The following CSMD1 variants were observed in gnomAD, a reference collection of about 807,000 sequenced individuals.
CSMD1 encodes the protein CUB and sushi domain-containing protein 1.
A neutral mutation model predicts 417.5 loss-of-function variants in CSMD1; 213 were observed. The observed-to-expected ratio is 0.51, with a 90% CI of 0.46 to 0.57. CSMD1 has a LOEUF of 0.57. Ranked by LOEUF, CSMD1 falls within the 20% of genes least tolerant of loss-of-function variation. The pLI is 0.00. For synonymous variants in CSMD1, 2,862 were observed against 1,736.8 expected (o/e 1.65, Z -16.11); for missense variants, 6,923 against 4,529.7 (o/e 1.53, Z -15.17).
At chr8:4,814,226 G>A (rs1007467518) in intron 1 of CSMD1, among the ~76,000 whole-genome samples, 2 of 152,272 alleles carry the variant, frequency 1.3e-5, no homozygotes, top group Admixed American at 6.5e-5. Flanking sequence ...GTGCGTGTGC[G>A]TGTGCGCATG....
In CSMD1 at chr8:4,630,019, T is replaced by C. The variant is rs531801669; in HGVS notation, c.302+7323A>G. ...TGCCTAAAATACTTCTCTGCCCATA[T>C]TAGTATGGTTTTGCTGCTTTTTAAA... is the stretch of plus-strand genomic sequence containing the variant. On this transcript the variant is annotated intron_variant, in intron 2 of 69. Transcript: ENST00000635120. Among the ~76,000 whole-genome samples the C allele has an allele frequency of 1.4e-4, 21 of 152,274 alleles. No individual in the cohort carries two copies. In the East Asian group the frequency reaches 1.9e-3, roughly 14 times the overall value.
In CSMD1 at chr8:2,955,646, C is replaced by T; in HGVS notation, c.9937G>A (p.Glu3313Lys). The stretch of plus-strand genomic sequence containing the variant: ...ATGTCTGCTTTACATGTTCTGTGCT[C>T]AGATCCCCCTGCGAGGAAAAAGCCT... ...HPGFFLAGGSEHRTCKADMKW... is the reference protein window; with the variant it reads ...HPGFFLAGGSKHRTCKADMKW... Residue 3313 changes from glutamate (E) to lysine (K), a missense_variant, in exon 64 of 70, where the codon GAG becomes AAG. Transcript: ENST00000635120. 6.2e-7 allele frequency: 1 copy of T among 1,613,906 alleles called. No homozygotes were observed.
chr8:4,822,330 A>C (rs1002542256), intron 1 of CSMD1, among the ~76,000 whole-genome samples: 1 of 152,122 alleles, frequency 6.6e-6, no homozygotes, highest in Non-Finnish European at 1.5e-5. Flanking sequence ...GGTTACTGAA[A>C]TCTAGGTTTA....
At chr8:4,766,338 G>T (rs945260847) in intron 1 of CSMD1, among the ~76,000 whole-genome samples, 1 of 152,146 alleles carries the variant, frequency 6.6e-6, no homozygotes, top group Non-Finnish European at 1.5e-5. Flanking sequence ...GTGGGGGCCT[G>T]GTGTAAGGTT....
intron 1 of CSMD1, among the ~76,000 whole-genome samples, chr8:4,849,486 G>A (rs142120932): frequency 2.0e-5 from 3 of 152,188 alleles, no homozygotes; most frequent in Middle Eastern, 3.4e-3. Flanking sequence ...TAGATCTCAC[G>A]TTCAATTATA....
At chr8:4,641,107 C>G (rs1318543847) in intron 1 of CSMD1, among the ~76,000 whole-genome samples, 1 of 151,186 alleles carries the variant, frequency 6.6e-6, no homozygotes, top group Non-Finnish European at 1.5e-5. Context: ...TGCAATTACA[C>G]ATATACCAAA....
At chr8:4,183,428 A>G (rs1332956191) in intron 3 of CSMD1, among the ~76,000 whole-genome samples, 1 of 152,222 alleles carries the variant, frequency 6.6e-6, no homozygotes, top group Non-Finnish European at 1.5e-5. Context: ...ACTGTGGGTC[A>G]CAGCTTGTCA....
chr8:4,553,418 G>A (rs923598130), intron 2 of CSMD1, among the ~76,000 whole-genome samples: 4 of 151,134 alleles, frequency 2.6e-5, no homozygotes, highest in Non-Finnish European at 4.4e-5. Flanking sequence ...CTCCTGACAG[G>A]CATTTATAAA....
intron 7 of CSMD1, among the ~76,000 whole-genome samples, chr8:3,695,273 A>G (rs1434826795): frequency 1.3e-5 from 2 of 152,168 alleles, no homozygotes; most frequent in African/African-American, 2.4e-5. Context: ...TCCATCTAAA[A>G]TTATAGTGCC....
intron 10 of CSMD1, among the ~76,000 whole-genome samples, chr8:3,527,495 G>T (rs554549465): frequency 1.2e-4 from 18 of 152,128 alleles, no homozygotes; most frequent in African/African-American, 4.3e-4. Flanking sequence ...GTTTCCCAGG[G>T]GAGGTCTGCC....
At chr8:4,023,737 C>G (rs940982738) in intron 4 of CSMD1, among the ~76,000 whole-genome samples, 1 of 150,438 alleles carries the variant, frequency 6.6e-6, no homozygotes, top group Admixed American at 6.6e-5. Context: ...CAAGCGCCCA[C>G]CGCTACGCTC....
intron 5 of CSMD1, among the ~76,000 whole-genome samples, chr8:3,863,140 G>A (rs1025876183): frequency 6.6e-6 from 1 of 152,140 alleles, no homozygotes; most frequent in Admixed American, 6.6e-5. Context: ...GCTAATGCCT[G>A]TAATCCCAGC....
chr8:3,847,995 G>T (rs746788844), intron 5 of CSMD1, among the ~76,000 whole-genome samples: 1 of 151,854 alleles, frequency 6.6e-6, no homozygotes, highest in Non-Finnish European at 1.5e-5. Context: ...TCTATTCTGT[G>T]TATCTTGGAT....
intron 29 of CSMD1, among the ~76,000 whole-genome samples, chr8:3,217,445 G>C (rs1797945107): frequency 6.6e-6 from 1 of 152,150 alleles, no homozygotes; most frequent in Non-Finnish European, 1.5e-5. Flanking sequence ...ATGCCGGGGA[G>C]AACAGGAGTT....
intron 1 of CSMD1, among the ~76,000 whole-genome samples, chr8:4,814,411 A>G (rs1303772917): frequency 6.6e-6 from 1 of 152,130 alleles, no homozygotes; most frequent in Non-Finnish European, 1.5e-5. Context: ...AAGCCTGGCT[A>G]ATTTTTGTTA....
chr8:4,212,522 T>A (rs73496576), intron 3 of CSMD1, among the ~76,000 whole-genome samples: 1 of 152,056 alleles, frequency 6.6e-6, no homozygotes, highest in African/African-American at 2.4e-5. Context: ...TTAGACATTA[T>A]AAAATTTTGA....
At chr8:4,323,644 C>A (rs974437140) in intron 3 of CSMD1, among the ~76,000 whole-genome samples, 29 of 152,026 alleles carry the variant, frequency 1.9e-4, no homozygotes, top group African/African-American at 6.5e-4. Flanking sequence ...GGAGAAAAAA[C>A]AAATAAGGGG....
At chr8:3,766,482 A>C (rs1398872596) in intron 5 of CSMD1, among the ~76,000 whole-genome samples, 2 of 152,134 alleles carry the variant, frequency 1.3e-5, no homozygotes, top group African/African-American at 4.8e-5. Context: ...CAACACGAAG[A>C]AACAAACAGG....
In CSMD1 at chr8:3,904,556, C is replaced by A. The variant is rs953187288; in HGVS notation, c.818+93347G>T. On this transcript the variant is annotated intron_variant, in intron 5 of 69. Coordinates refer to ENST00000635120, the MANE Select transcript of CSMD1 (RefSeq NM_033225.6). ...GATACCAAAGCTGTTGTATGTGAAA[C>A]ACACTTTGGAGAGTTGGGAATTAAA... Among the ~76,000 whole-genome samples, 15 of 152,054 alleles carry A rather than the reference C, an allele frequency of 9.9e-5. No individual in the cohort carries two copies. The South Asian group carries it at 2.7e-3, about 27-fold the overall frequency.
Sources: allele counts gnomAD v4.1 joint callset (sites outside exome capture counted in the v4.1 genomes callset), GRCh38; gene constraint gnomAD v4.1.1; transcripts MANE v1.5; gene names NCBI Gene and HGNC (gene_info 2026-07-23, HGNC 2026-07-21).